NCKAP5: variants seen among roughly 807,000 people sequenced by gnomAD.
NCKAP5 encodes NCK associated protein 5.
NCKAP5 carries 92 observed loss-of-function variants against 167.0 expected under a neutral mutation model. The ratio of observed to expected loss-of-function variants is 0.55; its 90% CI spans 0.47 to 0.66. The LOEUF (loss-of-function observed/expected upper bound fraction) is 0.66. NCKAP5 is among the 30% of genes least tolerant of loss of function. The pLI is 0.00. For synonymous variants in NCKAP5, 891 were observed against 877.4 expected (o/e 1.02, Z -0.27); for missense variants, 2,378 against 2,315.0 (o/e 1.03, Z -0.56).
intron 4 of NCKAP5, among the ~76,000 whole-genome samples, chr2:133,275,629 G>A (rs542775402): frequency 2.2e-4 from 33 of 152,048 alleles, no homozygotes; most frequent in Admixed American, 7.2e-4. Context: ...GAAAACTACC[G>A]GATGCATTTA....
chr2:133,660,578 T>C, the NCKAP5 span, among the ~76,000 whole-genome samples: 1 of 152,178 alleles, frequency 6.6e-6, no homozygotes, highest in Non-Finnish European at 1.5e-5. Flanking sequence ...ACTTTATAAA[T>C]AGGAAAGCAT....
intron 12 of NCKAP5, among the ~76,000 whole-genome samples, chr2:132,793,905 C>CT (rs1486047637): frequency 1.3e-5 from 2 of 152,012 alleles, no homozygotes; most frequent in African/African-American, 2.4e-5. Flanking sequence ...GCAAAGTGAG[C>CT]TTTTTTTCCC....
At chr2:132,914,375 T>C (rs1427822762) in intron 8 of NCKAP5, among the ~76,000 whole-genome samples, 1 of 152,028 alleles carries the variant, frequency 6.6e-6, no homozygotes, top group Non-Finnish European at 1.5e-5. Context: ...TCTTTTATGA[T>C]AAAAATTTTA....
In NCKAP5 at chr2:132,673,106, C is replaced by T; in HGVS notation, c.*183G>A. ...ACTCAAAGATTCCAAGTTGTCTACC[C>T]CAGGCCTATCTGAACTACTCAAAGA... On this transcript the variant is annotated 3_prime_UTR_variant, in exon 20 of 20. Transcript: ENST00000409261. 7.8e-7 allele frequency: 1 copy of T among 1,289,718 alleles called. No individual in the cohort carries two copies. The highest frequency in any genetic ancestry group is 9.8e-7 in the Non-Finnish European group (1 of 1,020,910). 79.9% of individuals were successfully genotyped at this position (1,289,718 alleles called of 1,614,324 possible).
intron 19 of NCKAP5, among the ~76,000 whole-genome samples, chr2:132,680,964 C>CAA (rs1685146225): frequency 6.6e-6 from 1 of 152,166 alleles, no homozygotes. Flanking sequence ...GGTTGACTGC[C>CAA]TTTAATAATG....
chr2:133,089,031 A>T (rs960577549), intron 6 of NCKAP5, among the ~76,000 whole-genome samples: 4 of 152,214 alleles, frequency 2.6e-5, no homozygotes, highest in Non-Finnish European at 5.9e-5. Flanking sequence ...TGCAGAGACA[A>T]ATTACAGACT....
chr2:133,527,324 G>A (rs1226425676), intron 2 of NCKAP5: 1 of 152,170 alleles, frequency 6.6e-6, no homozygotes, highest in Admixed American at 6.5e-5. Flanking sequence ...GTGCACAAGT[G>A]AAACACCAAA....
At chr2:133,389,314 C>G (rs1037344431) in intron 3 of NCKAP5, among the ~76,000 whole-genome samples, 5 of 152,238 alleles carry the variant, frequency 3.3e-5, no homozygotes, top group African/African-American at 4.8e-5. Flanking sequence ...GGCCAAGCCA[C>G]TCCTCTGTGT....
At chr2:133,181,284 T>C (rs960088522) in intron 5 of NCKAP5, among the ~76,000 whole-genome samples, 4 of 151,994 alleles carry the variant, frequency 2.6e-5, no homozygotes, top group Non-Finnish European at 5.9e-5. Context: ...TATGTATATA[T>C]AATGTAATAC....
At chr2:132,781,848 T>G in intron 14 of NCKAP5, 92 bp downstream of exon 14, 1 of 1,221,666 alleles carries the variant, frequency 8.2e-7, no homozygotes, top group Non-Finnish European at 1.1e-6. Flanking sequence ...AAAACATGCT[T>G]GACTGGCCTT....
chr2:132,891,829 GGA>G (rs1187888251), intron 8 of NCKAP5, among the ~76,000 whole-genome samples: 1 of 152,224 alleles, frequency 6.6e-6, no homozygotes, highest in African/African-American at 2.4e-5. Context: ...CTTCCTAGGA[GGA>G]GAGTAAGATA....
chr2:133,162,669 A>G (rs1434223), intron 5 of NCKAP5, among the ~76,000 whole-genome samples: 32,343 of 151,974 alleles, frequency 0.21, 3,621 homozygotes, highest in African/African-American at 0.24. Context: ...TGACTTCTTG[A>G]TGCAACATTG....
Position 132,924,002 on chromosome 2 carries a change from A to G in NCKAP5, c.579+39718T>C, listed in dbSNP as rs12618772. Among the ~76,000 whole-genome samples, 26 of 152,282 alleles carry G rather than the reference A, an allele frequency of 1.7e-4. No homozygotes were observed. The East Asian group carries it at 4.8e-3, about 28-fold the overall frequency. ...GTGATTCAGGAGACACCAGACATAA[A>G]CCAAATGGCTGGCCCCACAACCAGT... On this transcript the variant is annotated intron_variant, in intron 8 of 19. Coordinates refer to ENST00000409261, the MANE Select transcript of NCKAP5 (RefSeq NM_207363.3).
At chr2:132,686,407 G>C (rs1283151451) in intron 19 of NCKAP5, among the ~76,000 whole-genome samples, 1 of 152,148 alleles carries the variant, frequency 6.6e-6, no homozygotes, top group South Asian at 2.1e-4. Context: ...CTGACCAGGG[G>C]CCCTGATGAC....
chr2:133,392,976 C>T (rs983832228), intron 3 of NCKAP5, among the ~76,000 whole-genome samples: 1 of 152,128 alleles, frequency 6.6e-6, no homozygotes, highest in Non-Finnish European at 1.5e-5. Flanking sequence ...AAGTTCTCAG[C>T]AGAGAACTGA....
chr2:133,319,131 G>A (rs1030643785), intron 3 of NCKAP5, among the ~76,000 whole-genome samples: 2 of 151,678 alleles, frequency 1.3e-5, no homozygotes, highest in African/African-American at 4.9e-5. Flanking sequence ...ATTCATTCCA[G>A]GTGTGTGAGC....
At chr2:132,851,835 A>G (rs1233284653) in intron 11 of NCKAP5, among the ~76,000 whole-genome samples, 4 of 152,172 alleles carry the variant, frequency 2.6e-5, no homozygotes, top group Non-Finnish European at 5.9e-5. Flanking sequence ...CAGCTCTTAG[A>G]CCAGTGCACC....
intron 5 of NCKAP5, among the ~76,000 whole-genome samples, chr2:133,212,442 G>A (rs938290189): frequency 2.6e-5 from 4 of 152,004 alleles, no homozygotes; most frequent in Non-Finnish European, 4.4e-5. Context: ...ATCTCGGCTC[G>A]CTGCAACCTC....
chr2:133,075,882 A>G (rs2080584260), intron 6 of NCKAP5, among the ~76,000 whole-genome samples: 2 of 152,190 alleles, frequency 1.3e-5, no homozygotes, highest in Admixed American at 1.3e-4. Flanking sequence ...ACATTAAAAT[A>G]AATGGTCAAA....
Sources: allele counts gnomAD v4.1 joint callset (sites outside exome capture counted in the v4.1 genomes callset), GRCh38; gene constraint gnomAD v4.1.1; transcripts MANE v1.5; gene names NCBI Gene and HGNC (gene_info 2026-07-23, HGNC 2026-07-21).